Variants in SLC29A4 observed in about 807,000 individuals in gnomAD.
The protein encoded by SLC29A4 is solute carrier family 29 member 4, also known as equilibrative nucleoside transporter 4.
In SLC29A4, 36 loss-of-function variants were observed where a neutral mutation model predicts 43.9. The observed-to-expected ratio is 0.82, with a 90% confidence interval of 0.63 to 1.08. The LOEUF (loss-of-function observed/expected upper bound fraction) is 1.08, where lower values mean the gene tolerates loss of function less well. Ranked by LOEUF, SLC29A4 falls within the 50% of genes least tolerant of loss-of-function variation. The pLI is 0.00. For synonymous variants in SLC29A4, 491 were observed against 338.0 expected (o/e 1.45, Z -4.97); for missense variants, 869 against 755.3 (o/e 1.15, Z -1.77).
intron 1 of SLC29A4, among the ~76,000 whole-genome samples, chr7:5,284,126 C>T (rs1164106694): frequency 1.3e-5 from 2 of 151,480 alleles, no homozygotes; most frequent in African/African-American, 4.8e-5. Flanking sequence ...TGGCTCACTC[C>T]TGTAATCTTG....
At chr7:5,287,533 C>T (rs1330054593) in intron 1 of SLC29A4, among the ~76,000 whole-genome samples, 1 of 152,212 alleles carries the variant, frequency 6.6e-6, no homozygotes, top group African/African-American at 2.4e-5. Flanking sequence ...GTCCCGGCCG[C>T]ATGGCATCAA....
chr7:5,299,804 A>G (rs1583679212), intron 9 of SLC29A4, among the ~76,000 whole-genome samples: 1 of 152,210 alleles, frequency 6.6e-6, no homozygotes, highest in East Asian at 1.9e-4. Flanking sequence ...TAATCCTAGC[A>G]CTTCAGGAGG....
At chr7:5,297,975 C>T (rs1008259506) in intron 7 of SLC29A4, among the ~76,000 whole-genome samples, 17 of 152,190 alleles carry the variant, frequency 1.1e-4, no homozygotes, top group African/African-American at 3.9e-4. Context: ...CTGGTGGCAG[C>T]AGCACTGCAC....
At chr7:5,301,787 G>C (rs933715803) in intron 10 of SLC29A4, among the ~76,000 whole-genome samples, 6 of 152,094 alleles carry the variant, frequency 3.9e-5, no homozygotes, top group African/African-American at 1.4e-4. Flanking sequence ...TCCAGGTTTG[G>C]GGTCCACTGC....
At chr7:5,284,951 G>A (rs1784861390) in intron 1 of SLC29A4, among the ~76,000 whole-genome samples, 1 of 152,204 alleles carries the variant, frequency 6.6e-6, no homozygotes, top group Admixed American at 6.5e-5. Flanking sequence ...GGGGGCTCTT[G>A]CTGAACACAG....
chr7:5,290,609 C>T, intron 2 of SLC29A4, 123 bp from the exon 3 acceptor site: 1 of 1,292,210 alleles, frequency 7.7e-7, no homozygotes, highest in Non-Finnish European at 1.1e-6. Flanking sequence ...CAGAGGGGAG[C>T]AGGGGTCACG....
At position 5,291,164 on chromosome 7, in the gene SLC29A4, G is replaced by A. The variant is rs1223503246; in HGVS notation, c.342G>A (p.Leu114=). 3.1e-6 allele frequency: 5 copies of A among 1,613,896 alleles called. No individual in the cohort carries two copies. The East Asian group carries it at 8.9e-5, about 29-fold the overall frequency. ...IVFDMSLTYI[L]VALAAVLLNN... is the part of the protein sequence containing the mutation. ...TTGACATGAGCCTCACCTACATCTT[G>A]GTGGCACTGGCAGCTGTCCTCCTGA... The change falls in exon 4 of 11, where the codon TTG becomes TTA. Residue 114 remains leucine, a synonymous_variant. Transcript: ENST00000396872.
intron 1 of SLC29A4, among the ~76,000 whole-genome samples, chr7:5,287,165 C>G (rs1302223385): frequency 6.6e-6 from 1 of 152,170 alleles, no homozygotes; most frequent in African/African-American, 2.4e-5. Flanking sequence ...GTGGCTTACG[C>G]CTGTAACCCC....
intron 1 of SLC29A4, among the ~76,000 whole-genome samples, chr7:5,283,716 G>T (rs1784794488): frequency 6.6e-6 from 1 of 152,138 alleles, no homozygotes. Context: ...AGCTTAGACC[G>T]CTGGGCTGCG....
In SLC29A4 at chr7:5,302,999, G is replaced by T. The variant is rs893522360; in HGVS notation, c.*60G>T. On this transcript the variant is annotated 3_prime_UTR_variant, in exon 11 of 11. Coordinates refer to ENST00000396872, the MANE Select transcript of SLC29A4 (RefSeq NM_153247.4). ...CTGACCAGGGGCCCCGAGGCCTGAG[G>T]GCCCCTCCCCTGTCCCCACCTCAGT... 4 of 1,557,150 alleles carry T rather than the reference G, an allele frequency of 2.6e-6. No homozygotes were observed. In the African/African-American group the frequency reaches 4.1e-5, roughly 16 times the overall value.
intron 2 of SLC29A4, 27 bp downstream of exon 2, chr7:5,288,012 G>C: frequency 6.3e-7 from 1 of 1,586,718 alleles, no homozygotes; most frequent in Non-Finnish European, 8.6e-7. Flanking sequence ...GCAAGGTGCG[G>C]GTCTTGCCCC....
intron 7 of SLC29A4, among the ~76,000 whole-genome samples, chr7:5,297,544 C>T (rs7787921): frequency 0.035 from 5,349 of 152,332 alleles, 323 homozygotes; most frequent in African/African-American, 0.12. Flanking sequence ...GGACAGCCCA[C>T]GTTCATTCTG....
chr7:5,291,188 G>T lies in SLC29A4; in HGVS notation c.366G>T (p.Leu122=). The T allele has an allele frequency of 6.2e-7, 1 of 1,613,758 alleles. No homozygotes were observed. The highest frequency in any genetic ancestry group is 1.1e-5 in the South Asian group (1 of 91,064). The change falls in exon 4 of 11, where the codon CTG becomes CTT. Residue 122 remains leucine (L), a synonymous_variant. Coordinates refer to ENST00000396872, the MANE Select transcript of SLC29A4 (RefSeq NM_153247.4). Reference sequence around the variant, plus strand: ...TGGTGGCACTGGCAGCTGTCCTCCTGAACAACGTCCTGGTGGAGAGACTGA... The same window carrying T: ...TGGTGGCACTGGCAGCTGTCCTCCTTAACAACGTCCTGGTGGAGAGACTGA... ...YILVALAAVL[L]NNVLVERLTL...
At chr7:5,299,198 C>T (rs760572742) in intron 8 of SLC29A4, 42 bp from the exon 9 acceptor site, 2 of 1,598,792 alleles carry the variant, frequency 1.3e-6, no homozygotes, top group South Asian at 1.1e-5. Context: ...AGGCAGGGGT[C>T]CCCGTGGGCG....
At chr7:5,287,724 G>A in intron 1 of SLC29A4, 85 bp from the exon 2 acceptor site, 1 of 1,377,922 alleles carries the variant, frequency 7.3e-7, no homozygotes, top group Non-Finnish European at 9.9e-7. Context: ...TGTCACTCCA[G>A]GTAGAAGCTT....
At chr7:5,293,162 C>CTTTTTTTTTT (rs58758343) in intron 5 of SLC29A4, among the ~76,000 whole-genome samples, 1 of 117,282 alleles carries the variant, frequency 8.5e-6, no homozygotes, top group African/African-American at 3.7e-5. Context: ...TTTTTTTTCT[C>CTTTTTTTTTT]TTTTTTTTTT....
rs575580845 is a variant in SLC29A4, at chr7:5,287,575, G to A, written c.-8-234G>A. Reference sequence around the variant, plus strand: ...GAAACTGAGGCTCAGAGAGGTTTAGGCCCTTGCCTAAGGTCACACAGCTGG... The same window carrying A: ...GAAACTGAGGCTCAGAGAGGTTTAGACCCTTGCCTAAGGTCACACAGCTGG... On this transcript the variant is annotated intron_variant, in intron 1 of 10. Coordinates refer to ENST00000396872, the MANE Select transcript of SLC29A4 (RefSeq NM_153247.4). Among the ~76,000 whole-genome samples, 12 of 152,318 alleles carry A rather than the reference G, an allele frequency of 7.9e-5. No individual in the cohort carries two copies. The East Asian group carries it at 1.4e-3, about 17-fold the overall frequency.
intron 4 of SLC29A4, 144 bp downstream of exon 4, chr7:5,291,381 T>A: frequency 1.3e-6 from 1 of 789,930 alleles, no homozygotes; most frequent in Non-Finnish European, 1.9e-6. Flanking sequence ...AGGTCTGGTG[T>A]AAGACACCGT....
At chr7:5,284,514 G>A (rs563244681) in intron 1 of SLC29A4, among the ~76,000 whole-genome samples, 58 of 152,380 alleles carry the variant, frequency 3.8e-4, no homozygotes, top group African/African-American at 1.2e-3. Context: ...TCACGGCAGC[G>A]CAGAGTGGAG....
Sources: gnomAD v4.1 joint callset for allele counts (sites outside exome capture counted in the v4.1 genomes callset) on GRCh38, gnomAD v4.1.1 for gene constraint, MANE v1.5 for transcripts, NCBI Gene and HGNC (gene_info 2026-07-23, HGNC 2026-07-21) for gene names.